The following RBM17 variants were observed in gnomAD, a reference collection of about 807,000 sequenced individuals.
RBM17 encodes RNA binding motif protein 17, also known as splicing factor 45.
In RBM17, 7 loss-of-function variants were observed where a neutral mutation model predicts 53.2. The ratio of observed to expected loss-of-function variants is 0.13; its 90% CI spans 0.07 to 0.25. The LOEUF is 0.25. Among genes scored for constraint, RBM17 ranks in the 10% least tolerant of loss-of-function variants. The pLI is 1.00. For missense variants in RBM17, 257 were observed against 496.7 expected (o/e 0.52, Z 4.59); for synonymous variants, 167 against 178.1 (o/e 0.94, Z 0.50).
Position 6,112,444 on chromosome 10 carries a change from G to T in RBM17, c.856+83G>T, listed in dbSNP as rs1176199104. On this transcript the variant is annotated intron_variant, in intron 8 of 11. Coordinates refer to ENST00000379888, the MANE Select transcript of RBM17 (RefSeq NM_032905.5). This position sits in a 1 kb window ranked among gnomAD's most constrained non-coding sequence, Gnocchi z 4.4. ...ACATGGCCAGTCTTGATCCTCATGT[G>T]TCAGCAGGGGGACAATGAGGCGTGT... The T allele has an allele frequency of 1.3e-6, 2 of 1,512,144 alleles. No homozygotes were observed. Among genetic ancestry groups the T allele is most frequent in the East Asian group, 4.7e-5 (2 of 42,902 alleles). 93.7% of individuals were successfully genotyped at this position (1,512,144 alleles called of 1,614,324 possible). A position where few individuals can be genotyped will look rare whatever the true frequency, so the allele number is the denominator to read the frequency against.
rs1840905569 is a variant in RBM17, at chr10:6,115,781, T to C, written c.*225T>C. 2.7e-6 allele frequency: 1 copy of C among 366,008 alleles called. No individual in the cohort carries two copies. Among genetic ancestry groups the C allele is most frequent in the Non-Finnish European group, 4.9e-6 (1 of 205,866 alleles). The allele number at this position is 366,008 out of a possible 1,614,324, so 22.7% of individuals were successfully genotyped here. ...ATCTGTGTGCCTCTCTGGTTGTTTC[T>C]CTTTTTTATTATTACTCCTGAGTTG... On this transcript the variant is annotated 3_prime_UTR_variant, in exon 12 of 12. Transcript: ENST00000379888.
At chr10:6,109,085 G>A (rs537650050) in intron 6 of RBM17, among the ~76,000 whole-genome samples, 33 of 152,146 alleles carry the variant, frequency 2.2e-4, no homozygotes, top group Non-Finnish European at 3.5e-4. Context: ...AGGTTTAGAG[G>A]CTGTTATATT....
intron 9 of RBM17, 35 bp downstream of exon 9, chr10:6,113,616 C>G (rs774477081): frequency 1.4e-6 from 2 of 1,433,896 alleles, no homozygotes; most frequent in Non-Finnish European, 2.0e-6. Flanking sequence ...CTCTGCCTGC[C>G]TAGATTTGTG....
At chr10:6,110,777 G>T (rs1355139780) in intron 7 of RBM17, among the ~76,000 whole-genome samples, 1 of 152,218 alleles carries the variant, frequency 6.6e-6, no homozygotes, top group Non-Finnish European at 1.5e-5. Context: ...GCTGCTGCCT[G>T]TAGCAGAAAT....
At chr10:6,113,096 C>T (rs1040017170) in intron 8 of RBM17, 8 of 180,966 alleles carry the variant, frequency 4.4e-5, no homozygotes, top group South Asian at 1.1e-4. Context: ...ACAGTTGTCC[C>T]GACTTGTGAG....
At chr10:6,093,707 G>A (rs1840524652) in intron 1 of RBM17, among the ~76,000 whole-genome samples, 1 of 152,182 alleles carries the variant, frequency 6.6e-6, no homozygotes. Context: ...AATGGGTTGA[G>A]TATCCCTTAC....
At chr10:6,104,235 GT>G (rs1353095402) in intron 3 of RBM17, among the ~76,000 whole-genome samples, 1 of 152,122 alleles carries the variant, frequency 6.6e-6, no homozygotes, top group African/African-American at 2.4e-5. Context: ...TAATTTCTTT[GT>G]CATGGCTACC....
Position 6,104,921 on chromosome 10 carries a change from C to CAA in RBM17, c.241-10_241-9insAA, listed in dbSNP as rs1330602056. 1 of 1,611,312 alleles carries CAA rather than the reference C, an allele frequency of 6.2e-7. No homozygotes were observed. Among genetic ancestry groups the CAA allele is most frequent in the Non-Finnish European group, 8.5e-7 (1 of 1,178,320 alleles). Reference sequence around the variant, plus strand: ...AAGAGGATTCTTACTGCTGTTTTTACCTTCCTCAGGATCCTGTTCCCAGTG... The same window carrying CAA: ...AAGAGGATTCTTACTGCTGTTTTTACAACTTCCTCAGGATCCTGTTCCCAGTG... On this transcript the variant is annotated splice_polypyrimidine_tract_variant and intron_variant, in intron 3 of 11. Transcript: ENST00000379888.
In RBM17 at chr10:6,099,842, G is replaced by C. The variant is rs568404456; in HGVS notation, c.124-1429G>C. 5.3e-5 allele frequency among the ~76,000 whole-genome samples: 8 copies of C among 152,254 alleles called. No homozygotes were observed. In the South Asian group the frequency reaches 1.7e-3, roughly 32 times the overall value. On this transcript the variant is annotated intron_variant, in intron 2 of 11. Transcript: ENST00000379888. The stretch of plus-strand genomic sequence containing the variant: ...GGAGGCCAAGGCGGGTGGATCACCT[G>C]AGGTCAGGAGTTTGAGACCAGCCTG...
chr10:6,111,756 G>T (rs1840841598), intron 7 of RBM17, among the ~76,000 whole-genome samples: 1 of 152,142 alleles, frequency 6.6e-6, no homozygotes. Context: ...ATCTCTAAGG[G>T]TTCTTTCATT....
chr10:6,098,415 A>C (rs915886966), intron 2 of RBM17, among the ~76,000 whole-genome samples: 1 of 152,142 alleles, frequency 6.6e-6, no homozygotes, highest in African/African-American at 2.4e-5. Context: ...ACTTCTAAAC[A>C]ATTCAGTCCC....
chr10:6,096,996 A>G, intron 1 of RBM17, 52 bp from the exon 2 acceptor site: 1 of 1,531,898 alleles, frequency 6.5e-7, no homozygotes, highest in Non-Finnish European at 8.8e-7. Flanking sequence ...TTAACATGAA[A>G]AGCCTTTATT....
chr10:6,091,512 T>A (rs1321478152), intron 1 of RBM17, among the ~76,000 whole-genome samples: 2 of 151,244 alleles, frequency 1.3e-5, no homozygotes, highest in African/African-American at 4.9e-5. Flanking sequence ...GTGGTGGTAG[T>A]TTTTTTCTCC....
At chr10:6,094,306 T>C (rs1190414620) in intron 1 of RBM17, among the ~76,000 whole-genome samples, 6 of 152,186 alleles carry the variant, frequency 3.9e-5, no homozygotes, top group Non-Finnish European at 7.3e-5. Context: ...TTTGGGGTCA[T>C]GTTGTTGCTC....
At chr10:6,110,608 G>A (rs1588350993) in intron 7 of RBM17, among the ~76,000 whole-genome samples, 3 of 152,168 alleles carry the variant, frequency 2.0e-5, no homozygotes, top group East Asian at 1.9e-4. Flanking sequence ...TAAGGCTGAC[G>A]CTCAGGTGGG....
intron 3 of RBM17, among the ~76,000 whole-genome samples, chr10:6,104,509 G>C (rs1840718092): frequency 6.6e-6 from 1 of 152,174 alleles, no homozygotes. Context: ...AAGTTATTCT[G>C]TTAAAATGAT....
At chr10:6,109,228 T>G (rs951998019) in intron 6 of RBM17, among the ~76,000 whole-genome samples, 1 of 152,224 alleles carries the variant, frequency 6.6e-6, no homozygotes, top group Admixed American at 6.5e-5. Flanking sequence ...CGCAGTGATC[T>G]GCTCTAGAAT....
At position 6,116,410 on chromosome 10, in the gene RBM17, A is replaced by G. The variant is rs1840917783; in HGVS notation, c.*854A>G. On this transcript the variant is annotated 3_prime_UTR_variant, in exon 12 of 12. Transcript: ENST00000379888. Reference sequence around the variant, plus strand: ...TCTATTGTATGTAATTTTAAAATTTATAAGATTATCCACGTTGGCCAAGTA... The same window carrying G: ...TCTATTGTATGTAATTTTAAAATTTGTAAGATTATCCACGTTGGCCAAGTA... The G allele has an allele frequency of 6.6e-6, 1 of 152,388 alleles. No homozygotes were observed. The allele number at this position is 152,388 out of a possible 1,614,324, so 9.4% of individuals were successfully genotyped here.
chr10:6,097,222 C>T, intron 2 of RBM17, 34 bp downstream of exon 2: 1 of 1,602,692 alleles, frequency 6.2e-7, no homozygotes, highest in South Asian at 1.1e-5. Flanking sequence ...GAGCAGAGGC[C>T]TCCAGAGTGG....
Sources: gnomAD v4.1 joint callset for allele counts (sites outside exome capture counted in the v4.1 genomes callset) on GRCh38, gnomAD v4.1.1 for gene constraint, Gnocchi (gnomAD v3.1) non-coding constraint, MANE v1.5 for transcripts, NCBI Gene and HGNC (gene_info 2026-07-23, HGNC 2026-07-21) for gene names.